Variants in COL4A2 observed in about 807,000 individuals in gnomAD.
COL4A2 encodes collagen alpha-2(IV) chain.
In COL4A2, 99 loss-of-function variants were observed where a neutral mutation model predicts 200.2. The observed-to-expected ratio is 0.49, with a 90% confidence interval of 0.42 to 0.58. The LOEUF (loss-of-function observed/expected upper bound fraction) is 0.58. COL4A2 is among the 20% of genes least tolerant of loss of function. The probability of loss-of-function intolerance (pLI) is 0.00; values close to 1 mark genes in which losing one functional copy is unlikely to be tolerated. For missense variants in COL4A2, 1,950 were observed against 2,314.1 expected (o/e 0.84, Z 3.23); for synonymous variants, 897 against 900.6 (o/e 1.00, Z 0.07).
chr13:110,347,521 G>A lies in COL4A2; in HGVS notation c.100-9951G>A, dbSNP rs4771669. On this transcript the variant is annotated intron_variant, in intron 3 of 47. Coordinates refer to ENST00000360467, the MANE Select transcript of COL4A2 (RefSeq NM_001846.4). ...CCTCACACCTGCTCTTCAGCATCCT[G>A]GGTTCTCAGCAGTTCCTACCTGGGG... Among the ~76,000 whole-genome samples the A allele has an allele frequency of 8.8e-3, 1,340 of 152,306 alleles. 43 individuals are homozygous for A. The highest frequency in any genetic ancestry group is 0.058 in the Admixed American group (887 of 15,306).
chr13:110,345,819 G>T (rs1304976851), intron 3 of COL4A2, among the ~76,000 whole-genome samples: 1 of 152,234 alleles, frequency 6.6e-6, no homozygotes, highest in Admixed American at 6.5e-5. Context: ...ACGTGAGTCA[G>T]ATAGCAACAC....
chr13:110,358,653 C>T (rs1399175136), intron 4 of COL4A2, among the ~76,000 whole-genome samples: 1 of 152,172 alleles, frequency 6.6e-6, no homozygotes, highest in Non-Finnish European at 1.5e-5. Context: ...CCGGTGTCAT[C>T]TTAGGGCACC....
At chr13:110,511,404 C>T (rs1441573125) in intron 47 of COL4A2, among the ~76,000 whole-genome samples, 1 of 152,054 alleles carries the variant, frequency 6.6e-6, no homozygotes, top group Non-Finnish European at 1.5e-5. Context: ...TAAAACCACT[C>T]ATCTTTCCTC....
At chr13:110,455,808 T>C (rs1205132432) in intron 20 of COL4A2, among the ~76,000 whole-genome samples, 1 of 152,222 alleles carries the variant, frequency 6.6e-6, no homozygotes, top group Non-Finnish European at 1.5e-5. Flanking sequence ...TCCAAGCAGA[T>C]AGCTGGGTTC....
chr13:110,308,326 G>T (rs1884861927), intron 3 of COL4A2, among the ~76,000 whole-genome samples: 1 of 152,122 alleles, frequency 6.6e-6, no homozygotes, highest in Admixed American at 6.5e-5. Context: ...GGTTCCCAGC[G>T]TCAATCCTGT....
At chr13:110,498,767 A>G (rs1180717559) in intron 40 of COL4A2, among the ~76,000 whole-genome samples, 4 of 152,226 alleles carry the variant, frequency 2.6e-5, no homozygotes, top group Admixed American at 2.6e-4. Flanking sequence ...CCCCTAAGGT[A>G]ACATTGATGG....
In COL4A2 at chr13:110,434,390, T is replaced by A; in HGVS notation, c.685-11T>A. On this transcript the variant is annotated splice_polypyrimidine_tract_variant and intron_variant, in intron 11 of 47. Coordinates refer to ENST00000360467, the MANE Select transcript of COL4A2 (RefSeq NM_001846.4). ...CTTTTTAAAACTTACAGAAATTATT[T>A]ATCTTTTCAGGGCAACAGAGGACTT... is the stretch of plus-strand genomic sequence containing the variant. 1 of 1,608,822 alleles carries A rather than the reference T, an allele frequency of 6.2e-7. No homozygotes were observed. Among genetic ancestry groups the A allele is most frequent in the Non-Finnish European group, 8.5e-7 (1 of 1,178,402 alleles).
At chr13:110,451,010 C>T (rs1264137099) in intron 20 of COL4A2, among the ~76,000 whole-genome samples, 5 of 152,166 alleles carry the variant, frequency 3.3e-5, no homozygotes, top group Admixed American at 6.5e-5. Flanking sequence ...AAGTGACAGC[C>T]GTCCCCCAAG....
At chr13:110,452,118 T>TG (rs1566540976) in intron 20 of COL4A2, among the ~76,000 whole-genome samples, 3 of 108,664 alleles carry the variant, frequency 2.8e-5, no homozygotes, top group Non-Finnish European at 6.4e-5. Flanking sequence ...TCAAAGTCTC[T>TG]GTTTTGTTTG....
intron 3 of COL4A2, among the ~76,000 whole-genome samples, chr13:110,318,870 G>C (rs1885210793): frequency 6.6e-6 from 1 of 151,990 alleles, no homozygotes; most frequent in African/African-American, 2.4e-5. Flanking sequence ...AAGTTAACTA[G>C]AGTTATTGTT....
intron 45 of COL4A2, among the ~76,000 whole-genome samples, chr13:110,504,490 C>T (rs1409124054): frequency 6.6e-6 from 1 of 152,210 alleles, no homozygotes; most frequent in Admixed American, 6.5e-5. Flanking sequence ...GGGACACCTG[C>T]GGTGCTGTGG....
chr13:110,369,779 A>G (rs1352758031), intron 4 of COL4A2, among the ~76,000 whole-genome samples: 2 of 152,024 alleles, frequency 1.3e-5, no homozygotes, highest in Non-Finnish European at 2.9e-5. Flanking sequence ...AGCCAGCCTC[A>G]CCCCAAAGCT....
intron 4 of COL4A2, among the ~76,000 whole-genome samples, chr13:110,423,140 C>T (rs187716940): frequency 1.3e-5 from 2 of 152,102 alleles, no homozygotes; most frequent in South Asian, 2.1e-4. Flanking sequence ...CAGACTCATT[C>T]GTCTCAAGAG....
chr13:110,482,432 C>T (rs1018249457), intron 31 of COL4A2, 84 bp from the exon 32 acceptor site: 226 of 1,449,264 alleles, frequency 1.6e-4, no homozygotes, highest in Non-Finnish European at 1.8e-4. Context: ...GTTACATTGC[C>T]GAAATGTTAC....
intron 34 of COL4A2, among the ~76,000 whole-genome samples, chr13:110,489,161 A>G (rs1162878722): frequency 1.3e-5 from 2 of 152,212 alleles, no homozygotes; most frequent in Non-Finnish European, 2.9e-5. Flanking sequence ...ACTTGAGCCC[A>G]GGAAATCAAG....
rs139012252 is a variant in COL4A2, at chr13:110,456,786, G to A, written c.1340-557G>A. 5.8e-3 allele frequency: 2,775 copies of A among 479,112 alleles called. 65 individuals are homozygous for A. The highest frequency in any genetic ancestry group is 0.052 in the African/African-American group (2,608 of 50,326). The allele number at this position is 479,112 out of a possible 1,614,324, so 29.7% of individuals were successfully genotyped here. On this transcript the variant is annotated intron_variant, in intron 20 of 47. Transcript: ENST00000360467. ...TGATGCTGGTGCCTCACAACTGGGT[G>A]GGATGCCGGGCACCCATGGTGCCGA...
chr13:110,316,429 C>T (rs1172151754), intron 3 of COL4A2, among the ~76,000 whole-genome samples: 3 of 152,178 alleles, frequency 2.0e-5, no homozygotes, highest in Middle Eastern at 3.2e-3. Context: ...GAAGGAGCAT[C>T]GCAGCGATGC....
chr13:110,503,509 C>A, intron 43 of COL4A2, 28 bp downstream of exon 43: 1 of 1,381,904 alleles, frequency 7.2e-7, no homozygotes, highest in Non-Finnish European at 9.9e-7. Flanking sequence ...ATCTTCAGAG[C>A]TAGTGGCTCA....
Position 110,478,108 on chromosome 13 carries a change from C to A in COL4A2, c.2531C>A (p.Pro844Gln). The A allele has an allele frequency of 6.2e-7, 1 of 1,603,084 alleles. No individual in the cohort carries two copies. The part of the protein sequence containing the change: ...LYGPPGLHGF[P>Q]GAPGQEGPLG... ...GGGCCTCCAGGACTGCATGGATTCC[C>A]AGGAGCTCCTGGCCAAGAGGGGCCC... is the stretch of plus-strand genomic sequence containing the variant. Residue 844 changes from proline (P) to glutamine (Q), a missense_variant, in exon 30 of 48, where the codon CCA becomes CAA. Transcript: ENST00000360467.
Sources: gnomAD v4.1 joint callset for allele counts (sites outside exome capture counted in the v4.1 genomes callset) on GRCh38, gnomAD v4.1.1 for gene constraint, MANE v1.5 for transcripts, NCBI Gene and HGNC (gene_info 2026-07-23, HGNC 2026-07-21) for gene names.